The following ABI1 variants were observed in gnomAD, a reference collection of about 807,000 sequenced individuals.
ABI1 encodes the protein Abelson interactor 1.
ABI1 carries 14 observed loss-of-function variants against 54.6 expected under a neutral mutation model. The observed-to-expected ratio is 0.26, with a 90% CI of 0.17 to 0.40. The LOEUF is 0.40. Among genes scored for constraint, ABI1 ranks in the 10% least tolerant of loss-of-function variants. The probability of loss-of-function intolerance (pLI) is 1.00; values close to 1 mark genes in which losing one functional copy is unlikely to be tolerated. For missense variants in ABI1, 443 were observed against 598.3 expected (o/e 0.74, Z 2.71); for synonymous variants, 194 against 209.3 (o/e 0.93, Z 0.63).
rs778500074 is a variant in ABI1 at position 26,751,829 on chromosome 10, T to C, written c.1085-46A>G. 1.1e-5 allele frequency: 16 copies of C among 1,513,094 alleles called. No homozygotes were observed. The South Asian group carries it at 1.4e-4, about 13-fold the overall frequency. The allele number at this position is 1,513,094 out of a possible 1,614,324, so 93.7% of individuals were successfully genotyped here. On this transcript the variant is annotated intron_variant, in intron 9 of 10. Coordinates refer to ENST00000376140, the MANE Select transcript of ABI1 (RefSeq NM_001012750.3). ...GATTTGAATCAAAAATAAGTCTAGA[T>C]GGAAACTTATAAGTTAACAGAATTT...
intron 2 of ABI1, among the ~76,000 whole-genome samples, chr10:26,807,211 C>T (rs149811716): frequency 6.6e-6 from 1 of 152,124 alleles, no homozygotes; most frequent in Non-Finnish European, 1.5e-5. Flanking sequence ...CAGTGGCTCA[C>T]GCCTGTAATC....
chr10:26,785,633 G>A (rs899566500), intron 2 of ABI1, among the ~76,000 whole-genome samples: 5 of 151,950 alleles, frequency 3.3e-5, no homozygotes, highest in Non-Finnish European at 5.9e-5. Context: ...GCTGAGGCAT[G>A]AGAATCGCTT....
In ABI1 at chr10:26,825,432, G is replaced by A. The variant is rs183410531; in HGVS notation, c.118-2127C>T. 7.2e-5 allele frequency among the ~76,000 whole-genome samples: 11 copies of A among 152,118 alleles called. No homozygotes were observed. The East Asian group carries it at 1.5e-3, about 21-fold the overall frequency. On this transcript the variant is annotated intron_variant, in intron 1 of 10. Coordinates refer to ENST00000376140, the MANE Select transcript of ABI1 (RefSeq NM_001012750.3). Reference sequence around the variant, plus strand: ...TCCCAGCACTTTGGGAGGCTGAGGCGGGAGGATTACCTGAGGTCAGGAGTT... The same window carrying A: ...TCCCAGCACTTTGGGAGGCTGAGGCAGGAGGATTACCTGAGGTCAGGAGTT...
At chr10:26,785,617 G>A (rs892158460) in intron 2 of ABI1, among the ~76,000 whole-genome samples, 11 of 152,084 alleles carry the variant, frequency 7.2e-5, no homozygotes, top group East Asian at 3.9e-4. Flanking sequence ...AGTTACTTGC[G>A]GGGGTGCTGA....
intron 2 of ABI1, among the ~76,000 whole-genome samples, chr10:26,785,286 T>C (rs1311622395): frequency 1.3e-5 from 2 of 152,234 alleles, no homozygotes; most frequent in Non-Finnish European, 2.9e-5. Flanking sequence ...GTACCTGTTG[T>C]GAGTAGAGGG....
At chr10:26,839,829 A>C in intron 1 of ABI1, 1 of 696,136 alleles carries the variant, frequency 1.4e-6, no homozygotes, top group Non-Finnish European at 2.6e-6. Context: ...TTTGCACTTT[A>C]AAGATGGTAA....
chr10:26,765,171 C>G (rs1839770028), intron 7 of ABI1, 47 bp downstream of exon 7: 1 of 1,306,458 alleles, frequency 7.7e-7, no homozygotes, highest in Non-Finnish European at 1.1e-6. Context: ...CACAATAAAG[C>G]TCATAAATAT....
rs1034214220 is a variant in ABI1 at position 26,748,702 on chromosome 10, C to T, written c.1314G>A (p.Leu438=). The change falls in exon 11 of 11, where the codon CTG becomes CTA. Residue 438 remains leucine, a synonymous_variant. Coordinates refer to ENST00000376140, the MANE Select transcript of ABI1 (RefSeq NM_001012750.3). ...AAATGATTGCACCCTCCATAAATGA[C>T]AGCTCATCATCCTTGTCTTTTGTAT... ...YDYTKDKDDE[L]SFMEGAIIYV... 3.1e-6 allele frequency: 5 copies of T among 1,613,214 alleles called. No individual in the cohort carries two copies. Among genetic ancestry groups the T allele is most frequent in the East Asian group, 2.2e-5 (1 of 44,830 alleles).
At chr10:26,827,778 A>G (rs2048405881) in intron 1 of ABI1, among the ~76,000 whole-genome samples, 1 of 151,890 alleles carries the variant, frequency 6.6e-6, no homozygotes, top group South Asian at 2.1e-4. Flanking sequence ...TTTTTAGTAG[A>G]GACAGGGTTT....
intron 3 of ABI1, among the ~76,000 whole-genome samples, chr10:26,771,557 T>C (rs1383000692): frequency 6.6e-6 from 1 of 152,184 alleles, no homozygotes; most frequent in Admixed American, 6.5e-5. Context: ...TAAAAAGTGA[T>C]AAACTGCAAA....
intron 2 of ABI1, among the ~76,000 whole-genome samples, chr10:26,777,791 T>C (rs1841602799): frequency 6.6e-6 from 1 of 151,836 alleles, no homozygotes; most frequent in East Asian, 1.9e-4. Flanking sequence ...AGAGAGAGAT[T>C]TGGTATGTGT....
At chr10:26,789,987 T>C (rs2133168672) in intron 2 of ABI1, among the ~76,000 whole-genome samples, 1 of 152,372 alleles carries the variant, frequency 6.6e-6, no homozygotes, top group Non-Finnish European at 1.5e-5. Flanking sequence ...CTGCATAGTA[T>C]TCCATGGTGT....
At chr10:26,854,192 C>G (rs1177102969) in intron 1 of ABI1, among the ~76,000 whole-genome samples, 3 of 152,036 alleles carry the variant, frequency 2.0e-5, no homozygotes, top group Admixed American at 1.3e-4. Flanking sequence ...AGAAAACTCT[C>G]CAAAAGACAG....
In ABI1 at chr10:26,746,957, A is replaced by AAATT. The variant is rs540715155; in HGVS notation, c.*1609_*1612dup. 801 of 234,168 alleles carry AAATT rather than the reference A, an allele frequency of 3.4e-3. 3 individuals carry two copies. Among genetic ancestry groups the AAATT allele is most frequent in the Non-Finnish European group, 4.8e-3 (571 of 117,820 alleles). 14.5% of individuals were successfully genotyped at this position (234,168 alleles called of 1,614,324 possible). On this transcript the variant is annotated 3_prime_UTR_variant, in exon 11 of 11. Coordinates refer to ENST00000376140, the MANE Select transcript of ABI1 (RefSeq NM_001012750.3). ...AAAATTTAGACAACAGGTTATATAC[A>AAATT]AATTAAGAGAACAATCCACTTGAAA...
In ABI1 at chr10:26,747,480, T is replaced by C. The variant is rs1837075356; in HGVS notation, c.*1090A>G. 1 of 211,232 alleles carries C rather than the reference T, an allele frequency of 4.7e-6. No homozygotes were observed. Among genetic ancestry groups the C allele is most frequent in the African/African-American group, 2.3e-5 (1 of 44,072 alleles). 13.1% of individuals were successfully genotyped at this position (211,232 alleles called of 1,614,324 possible). On this transcript the variant is annotated 3_prime_UTR_variant, in exon 11 of 11. Transcript: ENST00000376140. Reference sequence around the variant, plus strand: ...TAGTGCCAGGTAATGGATTAAAGAGTGCCTACTCACAAATCAACTGTATCC... The same window carrying C: ...TAGTGCCAGGTAATGGATTAAAGAGCGCCTACTCACAAATCAACTGTATCC...
In ABI1 at chr10:26,754,950, C is replaced by CG. The variant is rs1554803967; in HGVS notation, c.1084+704_1084+705insC. ...ATATCCAAAATAACTTCTCCCCCCC[C>CG]ACAAAAAAAAATCCCTGAACTTCAT... On this transcript the variant is annotated intron_variant, in intron 9 of 10. Coordinates refer to ENST00000376140, the MANE Select transcript of ABI1 (RefSeq NM_001012750.3). Among the ~76,000 whole-genome samples the CG allele has an allele frequency of 1.5e-3, 225 of 151,824 alleles. 1 individual carries two copies. The highest frequency in any genetic ancestry group is 5.2e-3 in the African/African-American group (216 of 41,390).
chr10:26,791,324 T>C (rs1843430344), intron 2 of ABI1, among the ~76,000 whole-genome samples: 1 of 152,086 alleles, frequency 6.6e-6, no homozygotes, highest in African/African-American at 2.4e-5. Context: ...AACAGTGAGA[T>C]AGGAGTTTGA....
rs578030170 is a variant in ABI1 at position 26,798,308 on chromosome 10, T to TG, written c.286-21068dup. Among the ~76,000 whole-genome samples the TG allele has an allele frequency of 1.9e-3, 275 of 143,222 alleles. 2 individuals are homozygous for TG. The East Asian group carries it at 0.019, about 10-fold the overall frequency. The allele number at this position is 143,222 out of a possible 152,430, so 94.0% of individuals were successfully genotyped here. On this transcript the variant is annotated intron_variant, in intron 2 of 10. Coordinates refer to ENST00000376140, the MANE Select transcript of ABI1 (RefSeq NM_001012750.3). ...CTTGAGACGGGGTGCTATCCAGTAT[T>TG]GGGGGGGGTGAATCAAATGAAATCA...
At chr10:26,785,951 C>A (rs539296032) in intron 2 of ABI1, among the ~76,000 whole-genome samples, 6 of 152,116 alleles carry the variant, frequency 3.9e-5, no homozygotes, top group Non-Finnish European at 7.4e-5. Flanking sequence ...AACACTCTGC[C>A]TCCAGTTATT....
Sources: gnomAD v4.1 joint callset for allele counts (sites outside exome capture counted in the v4.1 genomes callset) on GRCh38, gnomAD v4.1.1 for gene constraint, MANE v1.5 for transcripts, NCBI Gene and HGNC (gene_info 2026-07-23, HGNC 2026-07-21) for gene names.